Variants in TUT1 observed in about 807,000 individuals in gnomAD.
The protein encoded by TUT1 is speckle targeted PIP5K1A-regulated poly(A) polymerase.
Under a neutral mutation model 48.8 loss-of-function variants are expected in TUT1, and 26 were observed. That is an observed-to-expected ratio of 0.53 (90% CI 0.39 to 0.74). The LOEUF is 0.74. TUT1 is among the 30% of genes least tolerant of loss of function. The pLI is 0.00. For missense variants in TUT1, 1,065 were observed against 1,114.8 expected (o/e 0.96, Z 0.64); for synonymous variants, 470 against 460.8 (o/e 1.02, Z -0.26).
At position 62,581,656 on chromosome 11, in the gene TUT1, C is replaced by T. The variant is rs1369475197; in HGVS notation, c.319G>A (p.Ala107Thr). 2 of 1,510,574 alleles carry T rather than the reference C, an allele frequency of 1.3e-6. No individual in the cohort carries two copies. The highest frequency in any genetic ancestry group is 8.9e-7 in the Non-Finnish European group (1 of 1,128,376). 93.6% of individuals were successfully genotyped at this position (1,510,574 alleles called of 1,614,324 possible). A position where few individuals can be genotyped will look rare whatever the true frequency, so the allele number is the denominator to read the frequency against. ...CTGTGCTGGGACTGTGACAAGACAG[C>T]CTCTCGAGCACCCACGTCCCCCATC... is the stretch of plus-strand genomic sequence containing the variant. Reference protein sequence around the residue: ...VEMGDVGAREAVLSQSQHSLG... With the variant: ...VEMGDVGARETVLSQSQHSLG... The change falls in exon 3 of 9, where the codon GCT (alanine) becomes ACT (threonine). Residue 107 changes from alanine (A) to threonine (T), a missense_variant. Coordinates refer to ENST00000476907, the MANE Select transcript of TUT1 (RefSeq NM_022830.3).
chr11:62,575,521 G>A lies in TUT1; in HGVS notation c.2198C>T (p.Ala733Val), dbSNP rs753600738. The change falls in exon 9 of 9, where the codon GCA becomes GTA. Residue 733 changes from alanine to valine, a missense_variant. Coordinates refer to ENST00000476907, the MANE Select transcript of TUT1 (RefSeq NM_022830.3). The stretch of plus-strand genomic sequence containing the variant: ...CTTGGGCCCCCGCTCTGCCAGGGCT[G>A]CGTGGCTGGGCTGCCCCTCTTCTCC... ...APGEEGQPSH[A>V]ALAERGPKGH... 5.0e-6 allele frequency: 8 copies of A among 1,613,310 alleles called. No homozygotes were observed. In the East Asian group the frequency reaches 1.1e-4, roughly 22 times the overall value.
In TUT1 at chr11:62,575,175, G is replaced by A. The variant is rs1321711416; in HGVS notation, c.2544C>T (p.Leu848=). 7 of 1,608,948 alleles carry A rather than the reference G, an allele frequency of 4.4e-6. No homozygotes were observed. The South Asian group carries it at 5.5e-5, about 13-fold the overall frequency. Residue 848 remains leucine (L), a synonymous_variant, in exon 9 of 9, where the codon CTC becomes CTT. Transcript: ENST00000476907. ...PADRMLTVTP[L]QDPQGLFPDL... ...CAGGGAACAGGCCTTGGGGATCCTGGAGCGGGGTCACAGTGAGCATTCGGT... is the reference window on the plus strand; with the variant it reads ...CAGGGAACAGGCCTTGGGGATCCTGAAGCGGGGTCACAGTGAGCATTCGGT...
In TUT1 at chr11:62,575,449, C is replaced by G. The variant is rs1299061489; in HGVS notation, c.2270G>C (p.Gly757Ala). The G allele has an allele frequency of 5.0e-6, 8 of 1,611,218 alleles. No individual in the cohort carries two copies. Among genetic ancestry groups the G allele is most frequent in the Non-Finnish European group, 6.8e-6 (8 of 1,180,016 alleles). ...GCTCGCTGAGGAGGGCAGGGATGCC[C>G]CCTTCCCTGCCTCACCCTGAGACCA... ...QEWSQGEAGKGASLPSSASWR... is the reference protein window; with the variant it reads ...QEWSQGEAGKAASLPSSASWR... Residue 757 changes from glycine (G) to alanine (A), a missense_variant, in exon 9 of 9, where the codon GGG (glycine) becomes GCG (alanine). Coordinates refer to ENST00000476907, the MANE Select transcript of TUT1 (RefSeq NM_022830.3).
chr11:62,576,274 G>GGGT (rs1275435689), intron 8 of TUT1, 30 bp from the exon 9 acceptor site: 4 of 1,511,142 alleles, frequency 2.6e-6, no homozygotes, highest in African/African-American at 2.8e-5. Flanking sequence ...GGGGAAAGGG[G>GGGT]GGTCACTTAG....
intron 2 of TUT1, among the ~76,000 whole-genome samples, chr11:62,585,883 C>A (rs573342981): frequency 6.6e-6 from 1 of 152,250 alleles, no homozygotes; most frequent in Admixed American, 6.5e-5. Flanking sequence ...CCGAGGCAGG[C>A]GGATCACCTG....
At chr11:62,587,752 A>T (rs990655813) in intron 2 of TUT1, among the ~76,000 whole-genome samples, 3 of 152,234 alleles carry the variant, frequency 2.0e-5, no homozygotes. Flanking sequence ...CTGCAAAGGG[A>T]TATTTTGGAT....
intron 2 of TUT1, among the ~76,000 whole-genome samples, chr11:62,585,248 G>A (rs1414720970): frequency 1.3e-5 from 2 of 152,160 alleles, no homozygotes; most frequent in Admixed American, 1.3e-4. Context: ...AGCCTCCTCA[G>A]TAGCTGGGAT....
chr11:62,586,306 A>G (rs968376786), intron 2 of TUT1, among the ~76,000 whole-genome samples: 3 of 152,270 alleles, frequency 2.0e-5, no homozygotes, highest in Non-Finnish European at 4.4e-5. Context: ...TTACAAATTA[A>G]GAAACTGAAA....
In TUT1 at chr11:62,579,663, A is replaced by ATT. The variant is rs35468652; in HGVS notation, c.691-635_691-634dup. ...AACACTGCTCTAAAAAATAAAGTCC[A>ATT]TTTTTTTTTTTTTTTTTTTGAGATG... On this transcript the variant is annotated intron_variant, in intron 4 of 8. Coordinates refer to ENST00000476907, the MANE Select transcript of TUT1 (RefSeq NM_022830.3). Among the ~76,000 whole-genome samples the ATT allele has an allele frequency of 7.0e-4, 90 of 128,228 alleles. 1 individual carries two copies. The highest frequency in any genetic ancestry group is 8.7e-4 in the Non-Finnish European group (52 of 59,468). 84.1% of individuals were successfully genotyped at this position (128,228 alleles called of 152,430 possible).
At chr11:62,588,016 G>A (rs1220728555) in intron 2 of TUT1, among the ~76,000 whole-genome samples, 2 of 152,168 alleles carry the variant, frequency 1.3e-5, no homozygotes, top group Non-Finnish European at 2.9e-5. Context: ...TGATCCAATG[G>A]TATGTTGTTC....
rs368382626 is a variant in TUT1, at chr11:62,576,029, G to A, written c.1690C>T (p.Gln564Ter). ...TTGGCTGCTGCTCGGCAGCAGTTCT[G>A]TAGGCGCCCAGCCACCCGGCTGGTC... The part of the protein sequence containing the change: ...NVTSRVAGRL[Q>*]NCCRAAANYC... Residue 564 changes from glutamine (Q) to a stop codon, truncating the protein, a stop_gained, in exon 9 of 9, where the codon CAG becomes TAG. Transcript: ENST00000476907. LOFTEE classifies it low-confidence loss of function (END_TRUNC). The A allele has an allele frequency of 6.2e-7, 1 of 1,613,786 alleles. No homozygotes were observed. Among genetic ancestry groups the A allele is most frequent in the Admixed American group, 1.7e-5 (1 of 60,028 alleles).
rs1269741651 is a variant in TUT1 at position 62,576,639 on chromosome 11, C to T, written c.1474+18G>A. ...ATGAACATCATTACTAGTCCTCTAC[C>T]AGGCTCCCCAAACTCACTGAGGGGC... On this transcript the variant is annotated intron_variant, in intron 8 of 8. Transcript: ENST00000476907. 1 of 1,609,616 alleles carries T rather than the reference C, an allele frequency of 6.2e-7. No homozygotes were observed.
Position 62,578,794 on chromosome 11 carries a change from T to C in TUT1, c.927A>G (p.Ser309=). The C allele has an allele frequency of 6.2e-7, 1 of 1,613,908 alleles. No individual in the cohort carries two copies. The highest frequency in any genetic ancestry group is 8.5e-7 in the Non-Finnish European group (1 of 1,179,980). The change falls in exon 5 of 9, where the codon TCA becomes TCG. Residue 309 remains serine, a synonymous_variant. Coordinates refer to ENST00000476907, the MANE Select transcript of TUT1 (RefSeq NM_022830.3). The stretch of plus-strand genomic sequence containing the variant: ...CCTCTTCCCTGTCCTCTAGCAGTGG[T>C]GAAGCTGGAGGCAGAGACTGGGGAG... ...LASPQSLPPA[S]PLLEDREEGD... is the part of the protein sequence containing the mutation.
At chr11:62,590,386 C>T (rs906832075) in intron 1 of TUT1, among the ~76,000 whole-genome samples, 2 of 152,198 alleles carry the variant, frequency 1.3e-5, no homozygotes, top group African/African-American at 4.8e-5. Context: ...CCTGTAATCC[C>T]GGCACTTTGG....
intron 2 of TUT1, among the ~76,000 whole-genome samples, chr11:62,587,212 G>A (rs1029045003): frequency 6.6e-5 from 10 of 151,654 alleles, no homozygotes; most frequent in African/African-American, 1.7e-4. Flanking sequence ...ATGGAGTTTC[G>A]CTCTTGTTGC....
At chr11:62,584,828 C>CTTT (rs558051358) in intron 2 of TUT1, among the ~76,000 whole-genome samples, 1 of 139,676 alleles carries the variant, frequency 7.2e-6, no homozygotes, top group African/African-American at 2.6e-5. Context: ...TTTTATTTTA[C>CTTT]TTTTTTTTTT....
intron 7 of TUT1, 54 bp from the exon 8 acceptor site, chr11:62,576,803 G>C: frequency 1.2e-6 from 2 of 1,600,216 alleles, no homozygotes; most frequent in Non-Finnish European, 1.7e-6. Context: ...ATTGAGGGTG[G>C]GGGTAGAGAG....
Position 62,578,950 on chromosome 11 carries a change from G to T in TUT1, c.771C>A (p.Thr257=). The T allele has an allele frequency of 6.4e-7, 1 of 1,551,416 alleles. No homozygotes were observed. The highest frequency in any genetic ancestry group is 8.7e-7 in the Non-Finnish European group (1 of 1,149,612). ...GTTGTGAATCTGGAGGGGAAGCTGG[G>T]GTGCAGGCCAGGGCTTGAGGGTCCA... The part of the protein sequence containing the change: ...SPLDPQALAC[T]PASPPDSQPP... The change falls in exon 5 of 9, where the codon ACC becomes ACA. Residue 257 remains threonine, a synonymous_variant. Transcript: ENST00000476907.
At chr11:62,576,359 A>G in intron 8 of TUT1, 115 bp from the exon 9 acceptor site, 1 of 1,302,600 alleles carries the variant, frequency 7.7e-7, no homozygotes, top group South Asian at 1.6e-5. Flanking sequence ...GGGGCTCAGC[A>G]GAGTCCCAGG....
Sources: gnomAD v4.1 joint callset for allele counts (sites outside exome capture counted in the v4.1 genomes callset) on GRCh38, gnomAD v4.1.1 for gene constraint, MANE v1.5 for transcripts, NCBI Gene and HGNC (gene_info 2026-07-23, HGNC 2026-07-21) for gene names.